Variants in HDAC4 observed in about 807,000 individuals in gnomAD.
The protein encoded by HDAC4 is histone deacetylase A.
Under a neutral mutation model 135.1 loss-of-function variants are expected in HDAC4, and 16 were observed. That is an observed-to-expected ratio of 0.12 (90% CI 0.08 to 0.18). The LOEUF is 0.18. Ranked by LOEUF, HDAC4 falls within the 10% of genes least tolerant of loss-of-function variation. The pLI is 1.00. For missense variants in HDAC4, 1,143 were observed against 1,511.8 expected (o/e 0.76, Z 4.05); for synonymous variants, 685 against 653.4 (o/e 1.05, Z -0.74).
intron 14 of HDAC4, 136 bp downstream of exon 14, chr2:239,111,390 C>G: frequency 1.2e-6 from 1 of 818,254 alleles, no homozygotes; most frequent in South Asian, 1.6e-5. Flanking sequence ...CTGTGTGGTC[C>G]CCACCATCCA....
chr2:239,342,146 G>T (rs1214077164), intron 2 of HDAC4, among the ~76,000 whole-genome samples: 1 of 151,762 alleles, frequency 6.6e-6, no homozygotes. Context: ...CAGGCTGAAC[G>T]AACAAAGGCA....
chr2:239,232,990 A>C (rs1022703777), intron 3 of HDAC4, among the ~76,000 whole-genome samples: 1 of 152,216 alleles, frequency 6.6e-6, no homozygotes, highest in Non-Finnish European at 1.5e-5. Flanking sequence ...GCAAGCAGAC[A>C]ACAACTCCCA....
chr2:239,120,383 G>GCACACACAGACGCACACAGACA (rs2039541573), intron 12 of HDAC4, among the ~76,000 whole-genome samples: 2 of 26,200 alleles, frequency 7.6e-5, no homozygotes, highest in Non-Finnish European at 1.3e-4. Context: ...ACCCGCAGAG[G>GCACACACAGACGCACACAGACA]CACACACAGA....
At chr2:239,337,961 A>T (rs1239056231) in intron 2 of HDAC4, among the ~76,000 whole-genome samples, 1 of 152,176 alleles carries the variant, frequency 6.6e-6, no homozygotes, top group East Asian at 1.9e-4. Context: ...GGGGAGAAAG[A>T]GGTGGATCTG....
intron 4 of HDAC4, among the ~76,000 whole-genome samples, chr2:239,183,335 G>A (rs2044273231): frequency 6.6e-6 from 1 of 152,282 alleles, no homozygotes; most frequent in Non-Finnish European, 1.5e-5. Context: ...TGACTTTCTT[G>A]TGTCTCTTTT....
At chr2:239,374,386 C>CTTTGTTTT (rs1694848215) in intron 1 of HDAC4, among the ~76,000 whole-genome samples, 1 of 56,666 alleles carries the variant, frequency 1.8e-5, no homozygotes, top group Non-Finnish European at 3.0e-5. Flanking sequence ...GAAAACAAGG[C>CTTTGTTTT]TTTTTTTTTT....
At chr2:239,275,907 C>T (rs1032190597) in intron 2 of HDAC4, among the ~76,000 whole-genome samples, 15 of 152,126 alleles carry the variant, frequency 9.9e-5, no homozygotes, top group African/African-American at 3.6e-4. Flanking sequence ...CCTCTGTCGC[C>T]TGCCTCATTT....
At chr2:239,179,304 G>A (rs2043986295) in intron 4 of HDAC4, among the ~76,000 whole-genome samples, 1 of 152,214 alleles carries the variant, frequency 6.6e-6, no homozygotes, top group Admixed American at 6.5e-5. Context: ...GCCGTGGACG[G>A]GTAGCAGCAG....
rs1419541787 is a variant in HDAC4, at chr2:239,049,153, A to G, written c.*3944T>C. On this transcript the variant is annotated 3_prime_UTR_variant, in exon 27 of 27. Transcript: ENST00000543185. ...TATTGGTATGTCACAAGTGCTAGAT[A>G]AACTTTTTTTCTTAATATGACAAAT... The G allele has an allele frequency of 3.9e-5, 6 of 152,444 alleles. No homozygotes were observed. Among genetic ancestry groups the G allele is most frequent in the Non-Finnish European group, 8.8e-5 (6 of 68,046 alleles). 9.4% of individuals were successfully genotyped at this position (152,444 alleles called of 1,614,324 possible). A position where few individuals can be genotyped will look rare whatever the true frequency, so the allele number is the denominator to read the frequency against.
chr2:239,308,844 G>A lies in HDAC4; in HGVS notation c.22+43834C>T, dbSNP rs1259008493. Reference sequence around the variant, plus strand: ...CATTGCTCCCAGACCCAAGGGCAAGGCTGTCACAGGCGAAAGACGGGTTCC... The same window carrying A: ...CATTGCTCCCAGACCCAAGGGCAAGACTGTCACAGGCGAAAGACGGGTTCC... On this transcript the variant is annotated intron_variant, in intron 2 of 26. Transcript: ENST00000543185. The surrounding 1 kb of genome is among the most constrained non-coding windows in gnomAD (Gnocchi z 4.2). Among the ~76,000 whole-genome samples the A allele has an allele frequency of 6.6e-6, 1 of 152,142 alleles. No homozygotes were observed. The highest frequency in any genetic ancestry group is 1.5e-5 in the Non-Finnish European group (1 of 68,030).
intron 2 of HDAC4, among the ~76,000 whole-genome samples, chr2:239,244,908 G>C (rs1435411120): frequency 6.6e-6 from 1 of 152,124 alleles, no homozygotes; most frequent in Admixed American, 6.5e-5. Flanking sequence ...CCCTCCCTGG[G>C]AGCTCTGCTT....
intron 4 of HDAC4, among the ~76,000 whole-genome samples, chr2:239,180,971 G>A (rs2044113576): frequency 6.6e-6 from 1 of 152,252 alleles, no homozygotes; most frequent in South Asian, 2.1e-4. Context: ...AGCGGAAGTG[G>A]CCTGGATGGC....
At chr2:239,213,495 C>T (rs2046452446) in intron 3 of HDAC4, among the ~76,000 whole-genome samples, 1 of 152,200 alleles carries the variant, frequency 6.6e-6, no homozygotes, top group South Asian at 2.1e-4. Flanking sequence ...GCTGCTGTTG[C>T]TACTGCATCT....
chr2:239,335,508 C>CAAAAA (rs61007856), intron 2 of HDAC4, among the ~76,000 whole-genome samples: 19 of 59,352 alleles, frequency 3.2e-4, no homozygotes, highest in Non-Finnish European at 4.8e-4. Context: ...ATCTGTTCAG[C>CAAAAA]AAAAAAAAAA....
intron 11 of HDAC4, 149 bp downstream of exon 11, chr2:239,134,096 A>C: frequency 1.4e-6 from 1 of 691,434 alleles, no homozygotes; most frequent in Non-Finnish European, 2.6e-6. Flanking sequence ...CACGGTGGCT[A>C]CATCACGTGA....
chr2:239,301,504 C>A (rs1241066243), intron 2 of HDAC4, among the ~76,000 whole-genome samples: 2 of 147,012 alleles, frequency 1.4e-5, no homozygotes, highest in Non-Finnish European at 1.5e-5. Flanking sequence ...TCTCTTGAAA[C>A]AGGGTCTCCC....
intron 24 of HDAC4, among the ~76,000 whole-genome samples, chr2:239,061,088 T>TG (rs1179828421): frequency 1.3e-5 from 2 of 152,254 alleles, no homozygotes; most frequent in African/African-American, 2.4e-5. Context: ...CACAATCGGC[T>TG]GCATGCAGAT....
At chr2:239,208,384 C>G (rs2046185201) in intron 3 of HDAC4, among the ~76,000 whole-genome samples, 1 of 149,380 alleles carries the variant, frequency 6.7e-6, no homozygotes. Context: ...ATGTACAAAC[C>G]ACCTATAAAT....
At chr2:239,381,102 C>T (rs558798948) in intron 1 of HDAC4, among the ~76,000 whole-genome samples, 5 of 152,296 alleles carry the variant, frequency 3.3e-5, no homozygotes, top group South Asian at 2.1e-4. Flanking sequence ...GTGACGTACA[C>T]GCGATGCTCT....
Sources: allele counts gnomAD v4.1 joint callset (sites outside exome capture counted in the v4.1 genomes callset), GRCh38; gene constraint gnomAD v4.1.1; non-coding constraint Gnocchi (gnomAD v3.1); transcripts MANE v1.5; gene names NCBI Gene and HGNC (gene_info 2026-07-23, HGNC 2026-07-21).